TSC22D3: variants seen among roughly 807,000 people sequenced by gnomAD.
TSC22D3 encodes the protein TSC22 domain family protein 3.
In TSC22D3, 4 loss-of-function variants were observed where a neutral mutation model predicts 11.1. The observed-to-expected ratio is 0.36, with a 90% CI of 0.18 to 0.83. TSC22D3 has a LOEUF of 0.83. Among genes scored for constraint, TSC22D3 ranks in the 40% least tolerant of loss-of-function variants. The probability of loss-of-function intolerance (pLI) is 0.48; values close to 1 mark genes in which losing one functional copy is unlikely to be tolerated. For missense variants in TSC22D3, 118 were observed against 159.4 expected, an observed-to-expected ratio of 0.74 and a Z score of 1.40; for synonymous variants, 77 against 70.3, an observed-to-expected ratio of 1.10 and a Z score of -0.48.
chrX:107,751,629 C>T (rs774416309), intron 1 of TSC22D3, among the ~76,000 whole-genome samples: 3 of 112,221 alleles, frequency 2.7e-5, no homozygotes, highest in Admixed American at 9.4e-5. Context: ...CTACATCTTC[C>T]GTAAGTGCCT....
At position 107,717,747 on chromosome X, in the gene TSC22D3, G is replaced by A. The variant is rs146806914; in HGVS notation, c.321-1797C>T. On this transcript the variant is annotated intron_variant, in intron 1 of 2. Transcript: ENST00000372383. ...GGAGGAGAGGGTGTCCGGGAGCTGA[G>A]GTGAGTGGGTGAACATGTATGGGAG... Among the ~76,000 whole-genome samples the A allele has an allele frequency of 4.8e-3, 540 of 112,080 alleles. 4 individuals carry two copies. Among genetic ancestry groups the A allele is most frequent in the African/African-American group, 0.017 (521 of 30,782 alleles).
At chrX:107,729,523 C>T (rs768439595) in intron 1 of TSC22D3, among the ~76,000 whole-genome samples, 32 of 112,283 alleles carry the variant, frequency 2.8e-4, no homozygotes, top group Admixed American at 5.6e-4. Context: ...CTAGAGCTGG[C>T]GAGGGAAGCC....
rs190937234 is a variant in TSC22D3 at position 107,768,716 on chromosome X, G to T, written c.320+6384C>A. The stretch of plus-strand genomic sequence containing the variant: ...GCTTTGCCACATTCCAGTCCCATAG[G>T]ACCCTATTCCCAGTGGGCTGTCACC... On this transcript the variant is annotated intron_variant, in intron 1 of 2. Transcript: ENST00000372383. 1.5e-4 allele frequency among the ~76,000 whole-genome samples: 17 copies of T among 112,604 alleles called. 1 individual carries two copies. The East Asian group carries it at 4.5e-3, about 30-fold the overall frequency.
rs1928441990 is a variant in TSC22D3, at chrX:107,742,281, A to AG, written c.321-26332_321-26331insC. On this transcript the variant is annotated intron_variant, in intron 1 of 2. Coordinates refer to ENST00000372383, the MANE Select transcript of TSC22D3 (RefSeq NM_198057.3). ...TATTTGAGAGAGAGAGAGAGAGAGAAAGAGAGAGAGAGAGAGAGAGAGAGA... is the reference window on the plus strand; with the variant it reads ...TATTTGAGAGAGAGAGAGAGAGAGAAGAGAGAGAGAGAGAGAGAGAGAGAGA... Among the ~76,000 whole-genome samples the AG allele has an allele frequency of 3.5e-3, 199 of 56,796 alleles. 3 individuals carry two copies. Among genetic ancestry groups the AG allele is most frequent in the Middle Eastern group, 0.018 (1 of 56 alleles). 49.3% of individuals were successfully genotyped at this position (56,796 alleles called of 115,157 possible). A position where few individuals can be genotyped will look rare whatever the true frequency, so the allele number is the denominator to read the frequency against.
intron 1 of TSC22D3, among the ~76,000 whole-genome samples, chrX:107,719,188 GAAGTAAAAACAGC>G (rs1927209374): frequency 8.9e-6 from 1 of 112,077 alleles, no homozygotes; most frequent in African/African-American, 3.2e-5. Flanking sequence ...GCACAGGACA[GAAGTAAAAACAGC>G]TCCTTCAAGA....
At position 107,716,535 on chromosome X, in the gene TSC22D3, C is replaced by G. The variant is rs1047028242; in HGVS notation, c.321-585G>C. On this transcript the variant is annotated intron_variant, in intron 1 of 2. Coordinates refer to ENST00000372383, the MANE Select transcript of TSC22D3 (RefSeq NM_198057.3). ...GATCCCAGAGCGGCGGTGACCCCCC[C>G]CTTCCTGCGTCCCCTCCCCCCCGCC... The G allele has an allele frequency of 3.5e-5, 34 of 967,182 alleles. No individual in the cohort carries two copies. In the South Asian group the frequency reaches 4.0e-4, roughly 11 times the overall value. The allele number at this position is 967,182 out of a possible 1,213,427, so 79.7% of individuals were successfully genotyped here.
intron 1 of TSC22D3, among the ~76,000 whole-genome samples, chrX:107,746,781 C>T (rs1053914001): frequency 1.8e-5 from 2 of 112,534 alleles, no homozygotes; most frequent in Admixed American, 1.9e-4. Context: ...TCCTCCTTCC[C>T]AACAAAGGCA....
chrX:107,764,028 T>C lies in TSC22D3; in HGVS notation c.320+11072A>G, dbSNP rs1168079100. ...CTATCTGAAAATATCACCTTTGGCC[T>C]GGGTCTGATTATTAGAATTTCAGTG... On this transcript the variant is annotated intron_variant, in intron 1 of 2. Transcript: ENST00000372383. 2.7e-5 allele frequency among the ~76,000 whole-genome samples: 3 copies of C among 112,576 alleles called. No individual in the cohort carries two copies. In the Admixed American group the frequency reaches 2.8e-4, roughly 11 times the overall value.
chrX:107,759,300 T>G (rs1175760140), intron 1 of TSC22D3, among the ~76,000 whole-genome samples: 1 of 111,233 alleles, frequency 9.0e-6, no homozygotes, highest in Non-Finnish European at 1.9e-5. Flanking sequence ...CCCTGCCCAA[T>G]ACCATTCTGA....
At chrX:107,716,242 A>C in intron 1 of TSC22D3, 1 of 909,606 alleles carries the variant, frequency 1.1e-6, no homozygotes, top group East Asian at 4.1e-5. Context: ...TGCTCGGGCA[A>C]TATGCAAACA....
At chrX:107,720,027 A>C (rs1927243627) in intron 1 of TSC22D3, among the ~76,000 whole-genome samples, 1 of 111,255 alleles carries the variant, frequency 9.0e-6, no homozygotes, top group African/African-American at 3.3e-5. Flanking sequence ...AGAGTGTACA[A>C]TATTCCAAAT....
At chrX:107,720,641 C>T (rs923299343) in intron 1 of TSC22D3, among the ~76,000 whole-genome samples, 7 of 110,574 alleles carry the variant, frequency 6.3e-5, no homozygotes, top group Admixed American at 2.9e-4. Flanking sequence ...TGCAGTGAGC[C>T]GAGATCGTGG....
Position 107,737,396 on chromosome X carries a change from A to G in TSC22D3, c.321-21446T>C, listed in dbSNP as rs186948292. On this transcript the variant is annotated intron_variant, in intron 1 of 2. Coordinates refer to ENST00000372383, the MANE Select transcript of TSC22D3 (RefSeq NM_198057.3). ...TTGTCACACAGGGGTTTCGCTAAGT[A>G]AGAGAACAACCAGAAAGCCAATTAG... Among the ~76,000 whole-genome samples, 477 of 111,769 alleles carry G rather than the reference A, an allele frequency of 4.3e-3. 3 individuals are homozygous for G. Among genetic ancestry groups the G allele is most frequent in the African/African-American group, 0.015 (451 of 30,694 alleles).
intron 1 of TSC22D3, among the ~76,000 whole-genome samples, chrX:107,748,498 C>T (rs1180472899): frequency 3.6e-5 from 4 of 111,812 alleles, no homozygotes; most frequent in African/African-American, 1.3e-4. Context: ...AAGTTCCATA[C>T]TGCTTCTGAA....
chrX:107,741,979 G>A (rs1263463955), intron 1 of TSC22D3, among the ~76,000 whole-genome samples: 1 of 111,522 alleles, frequency 9.0e-6, no homozygotes, highest in African/African-American at 3.3e-5. Flanking sequence ...TGTAGTTTCT[G>A]GCCTGCGAAA....
intron 1 of TSC22D3, among the ~76,000 whole-genome samples, chrX:107,746,753 T>C (rs902219117): frequency 8.9e-6 from 1 of 112,626 alleles, no homozygotes; most frequent in African/African-American, 3.2e-5. Context: ...GAGTTACACA[T>C]ACACACATTC....
At chrX:107,765,186 C>A (rs1025721145) in intron 1 of TSC22D3, among the ~76,000 whole-genome samples, 2 of 112,193 alleles carry the variant, frequency 1.8e-5, no homozygotes, top group Admixed American at 1.9e-4. Context: ...CCAAAGCCAA[C>A]CCATTCTTTC....
intron 1 of TSC22D3, among the ~76,000 whole-genome samples, chrX:107,760,496 C>T (rs1464610691): frequency 8.9e-6 from 1 of 112,025 alleles, no homozygotes; most frequent in Admixed American, 9.4e-5. Flanking sequence ...GGTACCCACC[C>T]CACATTGGGC....
intron 1 of TSC22D3, among the ~76,000 whole-genome samples, chrX:107,742,632 T>C (rs983233868): frequency 9.0e-6 from 1 of 111,067 alleles, no homozygotes; most frequent in Non-Finnish European, 1.9e-5. Flanking sequence ...TCTCTCCCCC[T>C]TCACCCTCCT....
Sources: allele counts gnomAD v4.1 joint callset (sites outside exome capture counted in the v4.1 genomes callset), GRCh38; gene constraint gnomAD v4.1.1; transcripts MANE v1.5; gene names NCBI Gene and HGNC (gene_info 2026-07-23, HGNC 2026-07-21).